The following PLCE1 variants were observed in gnomAD, a reference collection of about 807,000 sequenced individuals.
PLCE1 encodes 1-phosphatidylinositol 4,5-bisphosphate phosphodiesterase epsilon-1.
PLCE1 carries 119 observed loss-of-function variants against 242.8 expected under a neutral mutation model. The observed-to-expected ratio is 0.49, with a 90% CI of 0.42 to 0.57. The LOEUF is 0.57. Ranked by LOEUF, PLCE1 falls within the 20% of genes least tolerant of loss-of-function variation. The probability of loss-of-function intolerance (pLI) is 0.00; values close to 1 mark genes in which losing one functional copy is unlikely to be tolerated. For synonymous variants in PLCE1, 945 were observed against 1,017.4 expected (o/e 0.93, Z 1.35); for missense variants, 2,441 against 2,788.8 (o/e 0.88, Z 2.81).
chr10:94,274,977 G>A (rs543533501), intron 19 of PLCE1, among the ~76,000 whole-genome samples: 1 of 152,250 alleles, frequency 6.6e-6, no homozygotes, highest in Admixed American at 6.5e-5. Flanking sequence ...CATCTGTGCT[G>A]TTTTCTTTAT....
At chr10:94,150,596 G>A (rs1045113487) in intron 3 of PLCE1, among the ~76,000 whole-genome samples, 15 of 152,196 alleles carry the variant, frequency 9.9e-5, no homozygotes, top group Non-Finnish European at 2.1e-4. Flanking sequence ...AGAGTTTAGG[G>A]AAATTGATAT....
intron 19 of PLCE1, among the ~76,000 whole-genome samples, chr10:94,275,578 G>A (rs930494654): frequency 5.9e-5 from 9 of 152,202 alleles, no homozygotes; most frequent in African/African-American, 1.9e-4. Context: ...GCTCACGCCT[G>A]TAATCCCAGC....
rs932151608 is a variant in PLCE1 at position 93,994,056 on chromosome 10, C to G, written c.-567C>G. 3.5e-5 allele frequency among the ~76,000 whole-genome samples: 3 copies of G among 84,680 alleles called. No homozygotes were observed. Among genetic ancestry groups the G allele is most frequent in the Non-Finnish European group, 5.8e-5 (2 of 34,632 alleles). The allele number at this position is 84,680 out of a possible 152,430, so 55.6% of individuals were successfully genotyped here. On this transcript the variant is annotated 5_prime_UTR_variant, in exon 1 of 33. Transcript: ENST00000371380. ...GGCGGGAGGGGCAGCGGCGGCGCGCCCGGGCTCTACCTCCCGGGCTCTGCC... is the reference window on the plus strand; with the variant it reads ...GGCGGGAGGGGCAGCGGCGGCGCGCGCGGGCTCTACCTCCCGGGCTCTGCC...
At position 94,331,541 on chromosome 10, in the gene PLCE1, A is replaced by C. The variant is rs903256334; in HGVS notation, c.*3598A>C. On this transcript the variant is annotated 3_prime_UTR_variant, in exon 33 of 33. Coordinates refer to ENST00000371380, the MANE Select transcript of PLCE1 (RefSeq NM_016341.4). ...TTTCCTGGCTGGTGTCTTTGATCTT[A>C]CATTGGCAGCCTGCAGGGAAAGTGC... The C allele has an allele frequency of 2.0e-5, 3 of 152,218 alleles. No homozygotes were observed. Among genetic ancestry groups the C allele is most frequent in the Non-Finnish European group, 4.4e-5 (3 of 68,062 alleles). The allele number at this position is 152,218 out of a possible 1,614,324, so 9.4% of individuals were successfully genotyped here. A position where few individuals can be genotyped will look rare whatever the true frequency, so the allele number is the denominator to read the frequency against.
intron 3 of PLCE1, among the ~76,000 whole-genome samples, chr10:94,162,822 T>A (rs1010049667): frequency 2.6e-5 from 4 of 152,242 alleles, no homozygotes; most frequent in Admixed American, 1.3e-4. Context: ...TACACACTGC[T>A]TTAAATGTGT....
intron 5 of PLCE1, among the ~76,000 whole-genome samples, chr10:94,233,051 G>A (rs1369675313): frequency 6.6e-6 from 1 of 152,156 alleles, no homozygotes; most frequent in East Asian, 1.9e-4. Flanking sequence ...CAAGCTATCT[G>A]CTCAGATCCA....
intron 24 of PLCE1, among the ~76,000 whole-genome samples, chr10:94,303,638 A>G (rs2133601242): frequency 6.6e-6 from 1 of 152,316 alleles, no homozygotes; most frequent in South Asian, 2.1e-4. Flanking sequence ...TATAATTAAG[A>G]TTTTATCTTA....
At chr10:94,134,789 C>G (rs2046714281) in intron 3 of PLCE1, among the ~76,000 whole-genome samples, 1 of 152,142 alleles carries the variant, frequency 6.6e-6, no homozygotes, top group Admixed American at 6.5e-5. Context: ...AATAGAACCT[C>G]ATAGATCAAT....
intron 22 of PLCE1, among the ~76,000 whole-genome samples, chr10:94,285,491 G>C (rs770959112): frequency 6.6e-6 from 1 of 152,164 alleles, no homozygotes; most frequent in Non-Finnish European, 1.5e-5. Flanking sequence ...CAGGTTTCAG[G>C]TATAGCTTAA....
At chr10:94,003,271 A>C (rs2060966432) in intron 1 of PLCE1, among the ~76,000 whole-genome samples, 1 of 152,238 alleles carries the variant, frequency 6.6e-6, no homozygotes, top group Non-Finnish European at 1.5e-5. Flanking sequence ...CTTTTGGTTT[A>C]AAATAGTTTA....
intron 2 of PLCE1, among the ~76,000 whole-genome samples, chr10:94,114,714 T>C (rs894561287): frequency 2.6e-5 from 4 of 152,010 alleles, no homozygotes; most frequent in African/African-American, 9.7e-5. Context: ...GATAGGTTAA[T>C]CCTCTTATGC....
rs191129521 is a variant in PLCE1, at chr10:94,299,294, C to T, written c.5458+625C>T. On this transcript the variant is annotated intron_variant, in intron 24 of 32. Transcript: ENST00000371380. ...CACGCTTACTGTGCATTAGGCAGTA[C>T]GCTGAATTTTTGACCCCCTATTATC... is the stretch of plus-strand genomic sequence containing the variant. 2.1e-3 allele frequency among the ~76,000 whole-genome samples: 317 copies of T among 152,250 alleles called. 1 individual carries two copies. The highest frequency in any genetic ancestry group is 0.01 in the Middle Eastern group (3 of 294).
chr10:94,321,232 A>G (rs1045256129), intron 29 of PLCE1, among the ~76,000 whole-genome samples: 2 of 152,210 alleles, frequency 1.3e-5, no homozygotes, highest in Non-Finnish European at 2.9e-5. Context: ...GAAATGGGTG[A>G]GCTTTCTTTT....
At chr10:94,088,820 A>G (rs2044945688) in intron 2 of PLCE1, among the ~76,000 whole-genome samples, 1 of 152,124 alleles carries the variant, frequency 6.6e-6, no homozygotes, top group South Asian at 2.1e-4. Flanking sequence ...CTGAATTTCT[A>G]TTTGGAAAAC....
chr10:94,038,764 A>G (rs2061712620), intron 2 of PLCE1, among the ~76,000 whole-genome samples: 1 of 152,188 alleles, frequency 6.6e-6, no homozygotes, highest in Non-Finnish European at 1.5e-5. Flanking sequence ...GTTAAGGTAT[A>G]CAATTCAGTG....
At chr10:94,013,385 GC>G (rs1297310037) in intron 1 of PLCE1, among the ~76,000 whole-genome samples, 1 of 152,110 alleles carries the variant, frequency 6.6e-6, no homozygotes, top group East Asian at 1.9e-4. Flanking sequence ...TTTGTGAACT[GC>G]CCCCCTCCCT....
At chr10:94,173,053 T>G (rs182732092) in intron 4 of PLCE1, among the ~76,000 whole-genome samples, 37 of 152,170 alleles carry the variant, frequency 2.4e-4, no homozygotes, top group Non-Finnish European at 3.4e-4. Context: ...ACTTACTTGC[T>G]CCTTACAACA....
intron 2 of PLCE1, among the ~76,000 whole-genome samples, chr10:94,130,497 G>A (rs2046565301): frequency 6.6e-6 from 1 of 152,152 alleles, no homozygotes. Flanking sequence ...ATTTTACAGA[G>A]GAGGGAGCTG....
Position 94,246,474 on chromosome 10 carries a change from C to T in PLCE1, c.2949C>T (p.Asn983=), listed in dbSNP as rs771608372. The T allele has an allele frequency of 3.7e-6, 6 of 1,614,196 alleles. No individual in the cohort carries two copies. The Admixed American group carries it at 1.0e-4, about 27-fold the overall frequency. Residue 983 remains asparagine (N), a synonymous_variant, in exon 8 of 33, where the codon AAC becomes AAT. Transcript: ENST00000371380. ...TCTATGGGCTTCAGACCACAGACAA[C>T]AGATTATTGCACTTCGTGGCACCAA... ...TLLYGLQTTD[N]RLLHFVAPKH...
Sources: allele counts gnomAD v4.1 joint callset (sites outside exome capture counted in the v4.1 genomes callset), GRCh38; gene constraint gnomAD v4.1.1; transcripts MANE v1.5; gene names NCBI Gene and HGNC (gene_info 2026-07-23, HGNC 2026-07-21).